The following ROBO1 variants were observed in gnomAD, a reference collection of about 807,000 sequenced individuals.
ROBO1 encodes the protein roundabout guidance receptor 1.
A neutral mutation model predicts 195.9 loss-of-function variants in ROBO1; 149 were observed. That is an observed-to-expected ratio of 0.76 (90% CI 0.67 to 0.87). The LOEUF is 0.87. Among genes scored for constraint, ROBO1 ranks in the 40% least tolerant of loss-of-function variants. ROBO1 has a pLI of 0.00. For missense variants in ROBO1, 1,933 were observed against 2,068.3 expected (o/e 0.93, Z 1.27); for synonymous variants, 816 against 733.2 (o/e 1.11, Z -1.82).
chr3:79,157,025 G>A (rs114510660), intron 2 of ROBO1, among the ~76,000 whole-genome samples: 2,910 of 151,926 alleles, frequency 0.019, 52 homozygotes, highest in Middle Eastern at 0.024. Flanking sequence ...ACTGCACACA[G>A]AACTGTAAAC....
intron 2 of ROBO1, among the ~76,000 whole-genome samples, chr3:79,318,312 C>T (rs964601462): frequency 6.6e-6 from 1 of 152,206 alleles, no homozygotes; most frequent in African/African-American, 2.4e-5. Context: ...TAGTACTATC[C>T]TACCTCCAGA....
chr3:78,958,598 A>G (rs2041164307), intron 3 of ROBO1, among the ~76,000 whole-genome samples: 1 of 151,314 alleles, frequency 6.6e-6, no homozygotes, highest in Non-Finnish European at 1.5e-5. Flanking sequence ...ACAACTTTCA[A>G]ATAAAACTAT....
chr3:78,806,648 T>C (rs1397682207), intron 4 of ROBO1, among the ~76,000 whole-genome samples: 1 of 152,108 alleles, frequency 6.6e-6, no homozygotes, highest in Non-Finnish European at 1.5e-5. Flanking sequence ...CCTGAAGTAT[T>C]CTATTATGTT....
At chr3:79,395,526 G>A (rs1039044621) in intron 2 of ROBO1, among the ~76,000 whole-genome samples, 6 of 151,882 alleles carry the variant, frequency 4.0e-5, no homozygotes, top group Non-Finnish European at 7.4e-5. Flanking sequence ...TGTTTTTGAA[G>A]TATAACATTT....
At chr3:79,084,853 G>A (rs1194777860) in intron 3 of ROBO1, among the ~76,000 whole-genome samples, 2 of 151,998 alleles carry the variant, frequency 1.3e-5, no homozygotes, top group Non-Finnish European at 2.9e-5. Flanking sequence ...GATCAGAAAG[G>A]TGTAAAAAAT....
chr3:79,163,414 G>T (rs2081008159), intron 2 of ROBO1, among the ~76,000 whole-genome samples: 1 of 152,072 alleles, frequency 6.6e-6, no homozygotes, highest in South Asian at 2.1e-4. Context: ...ACATTTTGCT[G>T]GTTCATTCAT....
chr3:78,864,459 TA>T (rs1171155622), intron 4 of ROBO1, among the ~76,000 whole-genome samples: 1 of 150,994 alleles, frequency 6.6e-6, no homozygotes, highest in Non-Finnish European at 1.5e-5. Context: ...CATGCAAATA[TA>T]TTTTTCAGAC....
intron 3 of ROBO1, among the ~76,000 whole-genome samples, chr3:78,961,941 G>GTTT (rs74866184): frequency 7.1e-5 from 10 of 141,730 alleles, no homozygotes; most frequent in Non-Finnish European, 9.3e-5. Flanking sequence ...TTTGTTTTTT[G>GTTT]TTTTTTTTTT....
intron 2 of ROBO1, among the ~76,000 whole-genome samples, chr3:79,291,743 C>A (rs971896635): frequency 6.6e-6 from 1 of 152,114 alleles, no homozygotes; most frequent in African/African-American, 2.4e-5. Flanking sequence ...CTACCACATA[C>A]CTTCAGAAAG....
chr3:79,690,473 A>C (rs537214897), intron 1 of ROBO1, among the ~76,000 whole-genome samples: 12 of 152,006 alleles, frequency 7.9e-5, no homozygotes, highest in African/African-American at 2.9e-4. Context: ...ACCAAAATCC[A>C]AACCAGATTC....
chr3:78,698,879 T>C (rs1005299063), intron 8 of ROBO1, among the ~76,000 whole-genome samples: 3 of 152,136 alleles, frequency 2.0e-5, no homozygotes, highest in Middle Eastern at 3.2e-3. Flanking sequence ...ATTGTCACTT[T>C]CCCAAAAAAG....
intron 10 of ROBO1, among the ~76,000 whole-genome samples, chr3:78,675,126 T>A (rs1028526836): frequency 6.6e-6 from 1 of 151,884 alleles, no homozygotes; most frequent in Non-Finnish European, 1.5e-5. Flanking sequence ...CAAAAGCTAG[T>A]TCTTTTTCCT....
At chr3:79,693,748 T>C (rs919485980) in intron 1 of ROBO1, among the ~76,000 whole-genome samples, 4 of 151,720 alleles carry the variant, frequency 2.6e-5, no homozygotes, top group Non-Finnish European at 5.9e-5. Flanking sequence ...CTGATTTGCT[T>C]TTTTATGAGG....
At chr3:79,200,191 C>A (rs1270186880) in intron 2 of ROBO1, among the ~76,000 whole-genome samples, 7 of 151,622 alleles carry the variant, frequency 4.6e-5, no homozygotes, top group Non-Finnish European at 4.4e-5. Flanking sequence ...CATTTAAATT[C>A]AAATTTAACG....
At chr3:78,698,414 T>C (rs1228203862) in intron 8 of ROBO1, among the ~76,000 whole-genome samples, 1 of 152,192 alleles carries the variant, frequency 6.6e-6, no homozygotes, top group Non-Finnish European at 1.5e-5. Context: ...TTTCAACTTT[T>C]AAGACATAAC....
At chr3:78,859,310 G>A (rs2034644171) in intron 4 of ROBO1, among the ~76,000 whole-genome samples, 1 of 152,188 alleles carries the variant, frequency 6.6e-6, no homozygotes, top group African/African-American at 2.4e-5. Context: ...GGAACTAGAA[G>A]TGTTTCAGAG....
chr3:79,104,111 C>T (rs1274271223), intron 3 of ROBO1, among the ~76,000 whole-genome samples: 2 of 151,306 alleles, frequency 1.3e-5, no homozygotes, highest in South Asian at 2.1e-4. Flanking sequence ...ATTTGTTGGC[C>T]GGAAGTAGGA....
chr3:79,649,681 T>C (rs1945942200), intron 1 of ROBO1, among the ~76,000 whole-genome samples: 3 of 152,066 alleles, frequency 2.0e-5, no homozygotes, highest in Admixed American at 1.3e-4. Flanking sequence ...AGTAAAGCAT[T>C]TATTTGTTGG....
intron 2 of ROBO1, among the ~76,000 whole-genome samples, chr3:79,420,353 C>G (rs539998188): frequency 7.8e-4 from 119 of 152,208 alleles, no homozygotes; most frequent in African/African-American, 2.7e-3. Context: ...TAAAACCTTC[C>G]TCCAATACAT....
Sources: gnomAD v4.1 joint callset for allele counts (sites outside exome capture counted in the v4.1 genomes callset) on GRCh38, gnomAD v4.1.1 for gene constraint, MANE v1.5 for transcripts, NCBI Gene and HGNC (gene_info 2026-07-23, HGNC 2026-07-21) for gene names.